The following COG4 variants were observed in gnomAD, a reference collection of about 807,000 sequenced individuals.
COG4 encodes the protein component of oligomeric golgi complex 4.
Under a neutral mutation model 95.1 loss-of-function variants are expected in COG4, and 65 were observed. The observed-to-expected ratio is 0.68, with a 90% confidence interval of 0.56 to 0.84. COG4 has a LOEUF of 0.84. Ranked by LOEUF, COG4 falls within the 40% of genes least tolerant of loss-of-function variation. The pLI is 0.00. For missense variants in COG4, 1,045 were observed against 989.1 expected (o/e 1.06, Z -0.76); for synonymous variants, 421 against 374.8 (o/e 1.12, Z -1.42).
chr16:70,490,990 A>ACAGAG (rs2049233171), intron 12 of COG4, among the ~76,000 whole-genome samples: 2 of 152,020 alleles, frequency 1.3e-5, no homozygotes, highest in Non-Finnish European at 2.9e-5. Flanking sequence ...TGTGTTACCT[A>ACAGAG]CAGAGCAGAA....
chr16:70,517,706 G>T lies in COG4; in HGVS notation c.289C>A (p.Gln97Lys). The T allele has an allele frequency of 1.2e-6, 2 of 1,613,326 alleles. No individual in the cohort carries two copies. The highest frequency in any genetic ancestry group is 1.7e-6 in the Non-Finnish European group (2 of 1,179,746). Residue 97 changes from glutamine (Q) to lysine (K), a missense_variant, in exon 3 of 19, where the codon CAG (glutamine) becomes AAG (lysine). Transcript: ENST00000323786. ...NLQLIEGDAK[Q>K]LAGMITFTCN... is the part of the protein sequence containing the mutation. ...GTAAAGGTGATCATTCCAGCCAGCTGCTTTGCATCTCCCTCAATCAGCTGC... is the reference window on the plus strand; with the variant it reads ...GTAAAGGTGATCATTCCAGCCAGCTTCTTTGCATCTCCCTCAATCAGCTGC...
At chr16:70,516,141 T>C (rs1286935273) in intron 3 of COG4, 7 of 439,540 alleles carry the variant, frequency 1.6e-5, no homozygotes, top group African/African-American at 1.4e-4. Flanking sequence ...GGTGTATTAT[T>C]AGGATGGTGC....
At chr16:70,510,160 G>C (rs1250275411) in intron 5 of COG4, 139 bp from the exon 6 acceptor site, 1 of 723,422 alleles carries the variant, frequency 1.4e-6, no homozygotes, top group African/African-American at 1.7e-5. Flanking sequence ...AGGCAGCACA[G>C]AGGAAACTCC....
At chr16:70,499,450 A>G (rs897509492) in intron 9 of COG4, among the ~76,000 whole-genome samples, 3 of 152,198 alleles carry the variant, frequency 2.0e-5, no homozygotes, top group African/African-American at 7.2e-5. Flanking sequence ...GCCACATATT[A>G]TTGGCACAAG....
At chr16:70,500,608 G>T (rs1430394654) in intron 9 of COG4, among the ~76,000 whole-genome samples, 1 of 151,890 alleles carries the variant, frequency 6.6e-6, no homozygotes, top group African/African-American at 2.4e-5. Context: ...TAATCCACCC[G>T]CCTCAGTCTC....
chr16:70,521,743 C>T (rs11642085), intron 1 of COG4, among the ~76,000 whole-genome samples: 11,890 of 148,894 alleles, frequency 0.08, 578 homozygotes, highest in Middle Eastern at 0.2. Flanking sequence ...ACTCTGTCGC[C>T]GAGGCTGGAG....
intron 3 of COG4, 64 bp from the exon 4 acceptor site, chr16:70,514,573 T>C (rs2049784214): frequency 5.5e-6 from 8 of 1,450,946 alleles, no homozygotes; most frequent in South Asian, 2.3e-5. Flanking sequence ...CTCAAGAAGG[T>C]AGGGAGATTC....
At chr16:70,510,218 G>A (rs182608848) in intron 5 of COG4, among the ~76,000 whole-genome samples, 197 bp from the exon 6 acceptor site, 1 of 152,352 alleles carries the variant, frequency 6.6e-6, no homozygotes, top group Non-Finnish European at 1.5e-5. Context: ...AGTGAGCATG[G>A]TGTAGCTCCT....
chr16:70,497,181 G>A (rs773686802), intron 11 of COG4, 40 bp downstream of exon 11: 15 of 1,591,038 alleles, frequency 9.4e-6, no homozygotes, highest in African/African-American at 1.3e-5. Context: ...CAACAGGAAG[G>A]GCCTTTCTGC....
intron 8 of COG4, among the ~76,000 whole-genome samples, chr16:70,507,697 C>G (rs569885668): frequency 2.6e-5 from 4 of 151,748 alleles, no homozygotes; most frequent in Admixed American, 2.6e-4. Context: ...CCTGTCTCTA[C>G]TAAAATTATA....
At chr16:70,521,425 T>C (rs1216886453) in intron 1 of COG4, among the ~76,000 whole-genome samples, 1 of 152,086 alleles carries the variant, frequency 6.6e-6, no homozygotes, top group East Asian at 1.9e-4. Flanking sequence ...TTTCGCCACG[T>C]TGGCCAGGTT....
At position 70,521,671 on chromosome 16, in the gene COG4, G is replaced by C. The variant is rs76550643; in HGVS notation, c.171+1702C>G. Among the ~76,000 whole-genome samples, 986 of 151,542 alleles carry C rather than the reference G, an allele frequency of 6.5e-3. 13 individuals carry two copies. Among genetic ancestry groups the C allele is most frequent in the African/African-American group, 0.022 (925 of 41,284 alleles). ...ATATTAAATGACTGAATGAATGCGA[G>C]CTTAGGAATGTTAAGTCAAGATACT... On this transcript the variant is annotated intron_variant, in intron 1 of 18. Transcript: ENST00000323786.
chr16:70,482,053 G>T, intron 16 of COG4, 39 bp downstream of exon 16: 1 of 1,544,846 alleles, frequency 6.5e-7, no homozygotes, highest in Non-Finnish European at 9.0e-7. Context: ...GGGCTGACGT[G>T]GGTAATTCCC....
chr16:70,510,819 A>G (rs1200175827), intron 5 of COG4, among the ~76,000 whole-genome samples: 2 of 149,598 alleles, frequency 1.3e-5, no homozygotes, highest in African/African-American at 5.0e-5. Flanking sequence ...GCTGGAGTGC[A>G]GTGGCACAAT....
At chr16:70,507,465 G>C (rs1455091178) in intron 8 of COG4, among the ~76,000 whole-genome samples, 1 of 152,064 alleles carries the variant, frequency 6.6e-6, no homozygotes, top group Non-Finnish European at 1.5e-5. Context: ...TATACCCTAG[G>C]AGTAATAGTT....
intron 3 of COG4, 21 bp from the exon 4 acceptor site, chr16:70,514,530 TACAA>T (rs1470192987): frequency 1.9e-6 from 3 of 1,611,160 alleles, no homozygotes; most frequent in Non-Finnish European, 2.5e-6. Flanking sequence ...ATTTGGTACT[TACAA>T]ACAATGTCCT....
At position 70,523,513 on chromosome 16, in the gene COG4, G is replaced by A. The variant is rs1555498590; in HGVS notation, c.31C>T (p.Pro11Ser). MGTKMADLDS[P>S]PKLSGVQQPS... is the part of the protein sequence containing the mutation. Reference sequence around the variant, plus strand: ...TGCTGCACCCCTGACAGCTTCGGAGGCGAATCAAGGTCCGCCATCTTGGTC... The same window carrying A: ...TGCTGCACCCCTGACAGCTTCGGAGACGAATCAAGGTCCGCCATCTTGGTC... Residue 11 changes from proline to serine, a missense_variant, in exon 1 of 19, where the codon CCT (proline) becomes TCT (serine). Physicochemically the swap from Pro to Ser is moderately conservative, Grantham distance 74 (BLOSUM62 -1). Coordinates refer to ENST00000323786, the MANE Select transcript of COG4 (RefSeq NM_015386.3). The A allele has an allele frequency of 2.5e-6, 4 of 1,614,056 alleles. No homozygotes were observed. The highest frequency in any genetic ancestry group is 1.1e-5 in the South Asian group (1 of 91,090).
intron 9 of COG4, among the ~76,000 whole-genome samples, chr16:70,499,297 C>A (rs1208015636): frequency 6.6e-6 from 1 of 152,038 alleles, no homozygotes; most frequent in East Asian, 1.9e-4. Context: ...ACGTATTGGG[C>A]AGCACAGCTC....
intron 8 of COG4, among the ~76,000 whole-genome samples, chr16:70,505,846 G>A (rs9936225): frequency 0.57 from 86,456 of 151,584 alleles, 27,836 homozygotes; most frequent in African/African-American, 0.89. Context: ...GAAAATAAAT[G>A]AAATAAATAA....
Sources: gnomAD v4.1 joint callset for allele counts (sites outside exome capture counted in the v4.1 genomes callset) on GRCh38, gnomAD v4.1.1 for gene constraint, MANE v1.5 for transcripts, NCBI Gene and HGNC (gene_info 2026-07-23, HGNC 2026-07-21) for gene names.